The following BRCC3 variants were observed in gnomAD, a reference collection of about 807,000 sequenced individuals.
BRCC3 encodes the protein BRCA1/BRCA2-containing complex subunit 3.
BRCC3 carries 15 observed loss-of-function variants against 28.0 expected under a neutral mutation model. The observed-to-expected ratio is 0.54, with a 90% CI of 0.36 to 0.82. The LOEUF is 0.82. Among genes scored for constraint, BRCC3 ranks in the 40% least tolerant of loss-of-function variants. The probability of loss-of-function intolerance (pLI) is 0.01; values close to 1 mark genes in which losing one functional copy is unlikely to be tolerated. For synonymous variants in BRCC3, 66 were observed against 80.3 expected (o/e 0.82, Z 0.95); for missense variants, 109 against 225.9 (o/e 0.48, Z 3.32).
intron 7 of BRCC3, among the ~76,000 whole-genome samples, chrX:155,095,777 CT>C (rs1323809999): frequency 9.0e-6 from 1 of 111,211 alleles, no homozygotes; most frequent in Non-Finnish European, 1.9e-5. Context: ...TACAGGTGTA[CT>C]TTTTTTTGGT....
rs1286328569 is a variant in BRCC3, at chrX:155,122,960, A to T, written c.*1756A>T. On this transcript the variant is annotated 3_prime_UTR_variant, in exon 11 of 11. Transcript: ENST00000330045. Reference sequence around the variant, plus strand: ...ATGTTGATTATAACATTTGATTATGAGGTTAAGCACATGAGTCTTTACCTG... The same window carrying T: ...ATGTTGATTATAACATTTGATTATGTGGTTAAGCACATGAGTCTTTACCTG... The T allele has an allele frequency of 2.7e-5, 3 of 111,570 alleles. No individual in the cohort carries two copies. Among genetic ancestry groups the T allele is most frequent in the Non-Finnish European group, 3.8e-5 (2 of 53,094 alleles). 9.2% of individuals were successfully genotyped at this position (111,570 alleles called of 1,213,427 possible).
intron 5 of BRCC3, among the ~76,000 whole-genome samples, chrX:155,079,598 C>T (rs1053540865): frequency 1.8e-5 from 2 of 110,909 alleles, no homozygotes; most frequent in Admixed American, 9.5e-5. Context: ...ATAAAATGTG[C>T]CTGCCCCAAA....
At chrX:155,090,893 G>A (rs375529058) in intron 7 of BRCC3, 54 bp downstream of exon 7, 2 of 891,549 alleles carry the variant, frequency 2.2e-6, no homozygotes, top group Non-Finnish European at 1.6e-6. Flanking sequence ...CCAATTCAGA[G>A]AATTTATTGT....
At chrX:155,102,454 C>A (rs782148803) in intron 7 of BRCC3, among the ~76,000 whole-genome samples, 15 of 112,110 alleles carry the variant, frequency 1.3e-4, no homozygotes, top group African/African-American at 4.9e-4. Flanking sequence ...TTGCTAAATT[C>A]AATTACTTTT....
At chrX:155,079,446 A>G (rs1325754624) in intron 5 of BRCC3, among the ~76,000 whole-genome samples, 1 of 111,889 alleles carries the variant, frequency 8.9e-6, no homozygotes, top group Non-Finnish European at 1.9e-5. Context: ...ATATTCATCT[A>G]CACTGTGATA....
chrX:155,105,325 A>G (rs782117356), intron 7 of BRCC3, among the ~76,000 whole-genome samples: 19 of 111,332 alleles, frequency 1.7e-4, no homozygotes, highest in African/African-American at 5.6e-4. Context: ...TCTACTAAAA[A>G]TACAAAAATT....
rs1250405390 is a variant in BRCC3 at position 155,071,510 on chromosome X, GA to G, written c.-17del. The G allele has an allele frequency of 3.4e-6, 4 of 1,192,069 alleles. No individual in the cohort carries two copies. In the African/African-American group the frequency reaches 7.0e-5, roughly 21 times the overall value. ...GACCAAGTGGGCCCGAGGCGGACGT[GA>G]GAAGGGTCGGGCCAAGATGGCGGTG... On this transcript the variant is annotated 5_prime_UTR_variant, in exon 1 of 11. Transcript: ENST00000330045.
Position 155,089,261 on chromosome X carries a change from A to G in BRCC3, c.404-2A>G, listed in dbSNP as rs2124266834. The G allele has an allele frequency of 8.6e-7, 1 of 1,157,920 alleles. No homozygotes were observed. Among genetic ancestry groups the G allele is most frequent in the African/African-American group, 1.8e-5 (1 of 55,952 alleles). On this transcript the variant is annotated splice_acceptor_variant, in intron 5 of 10. Transcript: ENST00000330045. LOFTEE classifies it high-confidence loss of function. ...GATTTTTAAATTTTCATTTATTTTCAGATGTTCGCACACAAGCCATGTACC... is the reference window on the plus strand; with the variant it reads ...GATTTTTAAATTTTCATTTATTTTCGGATGTTCGCACACAAGCCATGTACC...
At chrX:155,107,339 C>A (rs1251446601) in intron 7 of BRCC3, among the ~76,000 whole-genome samples, 1 of 108,585 alleles carries the variant, frequency 9.2e-6, no homozygotes, top group Non-Finnish European at 1.9e-5. Context: ...TTTAAAAGTT[C>A]TTTAATTTTA....
chrX:155,071,905 C>T (rs781805431), intron 1 of BRCC3, among the ~76,000 whole-genome samples: 1 of 112,244 alleles, frequency 8.9e-6, no homozygotes, highest in Admixed American at 9.4e-5. Context: ...CCTGGGGCTT[C>T]TCTTTAGATC....
At position 155,084,726 on chromosome X, in the gene BRCC3, T is replaced by C. The variant is rs2074109667; in HGVS notation, c.404-4537T>C. 2.7e-5 allele frequency among the ~76,000 whole-genome samples: 3 copies of C among 111,668 alleles called. No individual in the cohort carries two copies. In the Admixed American group the frequency reaches 2.8e-4, roughly 11 times the overall value. ...TGGCTCCTGCCTGTAATTGCAGCAC[T>C]TTGGGAGGCTGAGGTGGGATGATTG... On this transcript the variant is annotated intron_variant, in intron 5 of 10. Transcript: ENST00000330045.
intron 3 of BRCC3, among the ~76,000 whole-genome samples, chrX:155,075,834 G>C (rs1296235339): frequency 1.8e-5 from 2 of 111,216 alleles, no homozygotes; most frequent in African/African-American, 6.6e-5. Context: ...AACTTTCTTA[G>C]CTTTGCCATC....
At chrX:155,102,618 G>T (rs781844045) in intron 7 of BRCC3, among the ~76,000 whole-genome samples, 11 of 111,526 alleles carry the variant, frequency 9.9e-5, no homozygotes, top group African/African-American at 3.3e-4. Flanking sequence ...CTAATAAGCT[G>T]TTGAATACAG....
At chrX:155,074,546 C>G (rs1225958757) in intron 3 of BRCC3, among the ~76,000 whole-genome samples, 5 of 111,906 alleles carry the variant, frequency 4.5e-5, no homozygotes, top group South Asian at 3.7e-4. Flanking sequence ...CCTCCTCTGT[C>G]TATGCATTAA....
At chrX:155,111,167 A>G (rs2074319703) in intron 7 of BRCC3, among the ~76,000 whole-genome samples, 1 of 111,996 alleles carries the variant, frequency 8.9e-6, no homozygotes. Flanking sequence ...AAAAAGTATC[A>G]TATAAGAAAT....
At chrX:155,079,216 A>C (rs186785602) in intron 5 of BRCC3, among the ~76,000 whole-genome samples, 2 of 111,883 alleles carry the variant, frequency 1.8e-5, no homozygotes, top group East Asian at 5.6e-4. Context: ...ATTCATGAGC[A>C]CTTAACTATG....
At chrX:155,104,229 A>G (rs2074263832) in intron 7 of BRCC3, among the ~76,000 whole-genome samples, 1 of 111,382 alleles carries the variant, frequency 9.0e-6, no homozygotes, top group Non-Finnish European at 1.9e-5. Context: ...TTCATGCCTG[A>G]TAATTTTTGA....
intron 2 of BRCC3, among the ~76,000 whole-genome samples, chrX:155,073,127 C>T (rs1206730537): frequency 9.0e-6 from 1 of 111,468 alleles, no homozygotes; most frequent in African/African-American, 3.3e-5. Flanking sequence ...AAGCCCACCT[C>T]CTTAGTTCCC....
chrX:155,105,363 A>G (rs1231739319), intron 7 of BRCC3, among the ~76,000 whole-genome samples: 11 of 111,522 alleles, frequency 9.9e-5, no homozygotes, highest in East Asian at 2.8e-4. Context: ...CATGCCTGTA[A>G]TCCCAGCTAC....
Sources: gnomAD v4.1 joint callset for allele counts (sites outside exome capture counted in the v4.1 genomes callset) on GRCh38, gnomAD v4.1.1 for gene constraint, MANE v1.5 for transcripts, NCBI Gene and HGNC (gene_info 2026-07-23, HGNC 2026-07-21) for gene names.